FRMD4A: variants seen among roughly 807,000 people sequenced by gnomAD.
FRMD4A encodes the protein FERM domain-containing protein 4A.
FRMD4A carries 29 observed loss-of-function variants against 129.1 expected under a neutral mutation model. That is an observed-to-expected ratio of 0.22 (90% CI 0.17 to 0.31). The LOEUF (loss-of-function observed/expected upper bound fraction) is 0.31, where lower values mean the gene tolerates loss of function less well. FRMD4A is among the 10% of genes least tolerant of loss of function. The pLI, the probability that FRMD4A is intolerant of heterozygous loss-of-function variation, is 1.00. For synonymous variants in FRMD4A, 634 were observed against 571.6 expected (o/e 1.11, Z -1.56); for missense variants, 1,272 against 1,375.8 (o/e 0.92, Z 1.19).
At chr10:14,164,278 G>T (rs1841054829) in intron 2 of FRMD4A, among the ~76,000 whole-genome samples, 1 of 152,182 alleles carries the variant, frequency 6.6e-6, no homozygotes, top group East Asian at 1.9e-4. Flanking sequence ...TAGGCCAGCC[G>T]CTCTGGCTGG....
At chr10:14,095,512 A>G (rs1460773742) in intron 2 of FRMD4A, among the ~76,000 whole-genome samples, 1 of 152,226 alleles carries the variant, frequency 6.6e-6, no homozygotes, top group East Asian at 1.9e-4. Flanking sequence ...ATAACAATGC[A>G]TAAAGAGCCG....
intron 12 of FRMD4A, among the ~76,000 whole-genome samples, chr10:13,719,511 G>A (rs1167213508): frequency 1.3e-5 from 2 of 152,122 alleles, no homozygotes; most frequent in Non-Finnish European, 2.9e-5. Flanking sequence ...TGCAGGTGCC[G>A]ATTCACAGCC....
chr10:13,826,725 A>G (rs572548982), intron 3 of FRMD4A, among the ~76,000 whole-genome samples: 2 of 152,240 alleles, frequency 1.3e-5, no homozygotes, highest in Admixed American at 6.5e-5. Context: ...TTAAAAAGAC[A>G]CCCTTACTGG....
intron 2 of FRMD4A, among the ~76,000 whole-genome samples, chr10:13,863,700 C>T (rs892477689): frequency 4.6e-5 from 7 of 151,666 alleles, no homozygotes; most frequent in African/African-American, 1.7e-4. Flanking sequence ...ACGCTTTAGG[C>T]TTCTGGGTGG....
At chr10:14,026,976 T>C (rs1180824765) in intron 2 of FRMD4A, among the ~76,000 whole-genome samples, 1 of 152,360 alleles carries the variant, frequency 6.6e-6, no homozygotes, top group East Asian at 1.9e-4. Context: ...TGTTTGTGGG[T>C]ACATAGTAGG....
chr10:13,675,471 G>A (rs777556006), intron 15 of FRMD4A, among the ~76,000 whole-genome samples: 3 of 152,076 alleles, frequency 2.0e-5, no homozygotes, highest in Non-Finnish European at 2.9e-5. Context: ...GCATGATCTC[G>A]GCTCGCTGCA....
At chr10:14,236,995 CAAAAAAAAAAAAAA>C (rs71477244) in intron 2 of FRMD4A, among the ~76,000 whole-genome samples, 33 of 75,398 alleles carry the variant, frequency 4.4e-4, no homozygotes, top group African/African-American at 1.1e-3. Flanking sequence ...AACAGGTCAG[CAAAAAAAAAAAAAA>C]AAAAAAAAAA....
intron 8 of FRMD4A, 60 bp from the exon 9 acceptor site, chr10:13,747,879 A>T (rs2091369173): frequency 1.1e-6 from 1 of 930,300 alleles, no homozygotes; most frequent in Non-Finnish European, 1.8e-6. Context: ...GCACTCTCTG[A>T]TACCACTTGG....
intron 23 of FRMD4A, chr10:13,653,433 G>A (rs901117522): frequency 6.6e-6 from 1 of 152,328 alleles, no homozygotes; most frequent in Non-Finnish European, 1.5e-5. Flanking sequence ...TTGAACCATG[G>A]AGGTTGCAGT....
intron 2 of FRMD4A, among the ~76,000 whole-genome samples, chr10:14,237,067 C>G (rs1206661969): frequency 1.4e-5 from 2 of 142,446 alleles, no homozygotes; most frequent in Non-Finnish European, 3.0e-5. Context: ...GAGATGGGGT[C>G]TTGCTATGCT....
chr10:13,675,334 C>G (rs2083885312), intron 15 of FRMD4A, among the ~76,000 whole-genome samples: 2 of 152,192 alleles, frequency 1.3e-5, no homozygotes, highest in Non-Finnish European at 1.5e-5. Context: ...ATTTTACTAG[C>G]AAATTCTAAT....
intron 2 of FRMD4A, among the ~76,000 whole-genome samples, chr10:14,135,965 G>T (rs997580495): frequency 2.0e-5 from 3 of 152,124 alleles, no homozygotes; most frequent in Non-Finnish European, 4.4e-5. Flanking sequence ...TAAACATACC[G>T]TGGTTCCCCC....
At chr10:14,133,482 CAAG>C (rs1026888270) in intron 2 of FRMD4A, among the ~76,000 whole-genome samples, 21 of 152,180 alleles carry the variant, frequency 1.4e-4, no homozygotes, top group African/African-American at 5.1e-4. Flanking sequence ...GGCATCTCAA[CAAG>C]AAGCAGGACT....
At chr10:14,023,663 A>G (rs535017943) in intron 2 of FRMD4A, among the ~76,000 whole-genome samples, 1 of 152,352 alleles carries the variant, frequency 6.6e-6, no homozygotes, top group East Asian at 1.9e-4. Flanking sequence ...AAGTACTGGA[A>G]GAAAGAGTGT....
At chr10:14,127,617 T>G (rs556167430) in intron 2 of FRMD4A, among the ~76,000 whole-genome samples, 1 of 152,336 alleles carries the variant, frequency 6.6e-6, no homozygotes, top group African/African-American at 2.4e-5. Flanking sequence ...TGTCTGCCTG[T>G]GCCCGTAAGA....
At position 13,966,648 on chromosome 10, in the gene FRMD4A, A is replaced by G. The variant is rs544701588; in HGVS notation, c.46-107736T>C. ...GGCTGGGGCCGAGTGCTGTTTAGAGAAGGGGACTGCTGTGCTGAGTGGCAC... is the reference window on the plus strand; with the variant it reads ...GGCTGGGGCCGAGTGCTGTTTAGAGGAGGGGACTGCTGTGCTGAGTGGCAC... On this transcript the variant is annotated intron_variant, in intron 2 of 24. Coordinates refer to ENST00000357447, the MANE Select transcript of FRMD4A (RefSeq NM_018027.5). Among the ~76,000 whole-genome samples, 120 of 152,308 alleles carry G rather than the reference A, an allele frequency of 7.9e-4. 1 individual carries two copies. The highest frequency in any genetic ancestry group is 2.7e-3 in the African/African-American group (113 of 41,574).
At chr10:13,747,857 G>A in intron 8 of FRMD4A, 38 bp from the exon 9 acceptor site, 1 of 1,173,092 alleles carries the variant, frequency 8.5e-7, no homozygotes, top group East Asian at 2.3e-5. Context: ...CTCACCCTCT[G>A]AGAAAATAAT....
intron 18 of FRMD4A, among the ~76,000 whole-genome samples, chr10:13,663,935 T>A (rs1358269898): frequency 6.6e-6 from 1 of 152,224 alleles, no homozygotes; most frequent in African/African-American, 2.4e-5. Context: ...TTGCTTTGCT[T>A]CTGTGGCAAT....
intron 2 of FRMD4A, among the ~76,000 whole-genome samples, chr10:13,996,350 G>T (rs781120909): frequency 2.0e-5 from 3 of 152,288 alleles, no homozygotes; most frequent in East Asian, 1.9e-4. Flanking sequence ...TATGCACCAG[G>T]CCAGTGACAA....
Sources: allele counts gnomAD v4.1 joint callset (sites outside exome capture counted in the v4.1 genomes callset), GRCh38; gene constraint gnomAD v4.1.1; transcripts MANE v1.5; gene names NCBI Gene and HGNC (gene_info 2026-07-23, HGNC 2026-07-21).